The following MYO16 variants were observed in gnomAD, a reference collection of about 807,000 sequenced individuals.
MYO16 encodes the protein unconventional myosin-XVI.
MYO16 carries 94 observed loss-of-function variants against 205.3 expected under a neutral mutation model. That is an observed-to-expected ratio of 0.46 (90% CI 0.39 to 0.54). The LOEUF (loss-of-function observed/expected upper bound fraction) is 0.54, where lower values mean the gene tolerates loss of function less well. Ranked by LOEUF, MYO16 falls within the 20% of genes least tolerant of loss-of-function variation. The pLI is 0.00. For synonymous variants in MYO16, 988 were observed against 954.0 expected, an observed-to-expected ratio of 1.04 and a Z score of -0.66; for missense variants, 2,315 against 2,387.5, an observed-to-expected ratio of 0.97 and a Z score of 0.63.
the MYO16 span, among the ~76,000 whole-genome samples, chr13:108,579,599 TC>T: frequency 2.6e-5 from 4 of 151,918 alleles, no homozygotes; most frequent in South Asian, 8.3e-4. Flanking sequence ...CTCCATCACA[TC>T]CGGCTAATTT....
chr13:108,651,486 G>A (rs185327100), intron 1 of MYO16, among the ~76,000 whole-genome samples: 116 of 152,326 alleles, frequency 7.6e-4, no homozygotes, highest in African/African-American at 2.7e-3. Context: ...GTGTCAGAAA[G>A]CATAGATGGA....
At chr13:108,521,519 A>C in the MYO16 span, among the ~76,000 whole-genome samples, 1 of 152,172 alleles carries the variant, frequency 6.6e-6, no homozygotes, top group East Asian at 1.9e-4. Context: ...TTGTTTTTTA[A>C]TTCTTTTGAT....
intron 4 of MYO16, among the ~76,000 whole-genome samples, chr13:108,782,714 C>T (rs1333669254): frequency 1.3e-5 from 2 of 152,088 alleles, no homozygotes; most frequent in African/African-American, 2.4e-5. Flanking sequence ...CTGTTTGCAG[C>T]CTGGGGACTT....
intron 27 of MYO16, among the ~76,000 whole-genome samples, chr13:109,085,628 G>C (rs1240116925): frequency 6.6e-6 from 1 of 152,232 alleles, no homozygotes; most frequent in Non-Finnish European, 1.5e-5. Flanking sequence ...ACATTTTTAA[G>C]TCATTCATTC....
At chr13:108,857,456 T>G (rs905918393) in intron 11 of MYO16, among the ~76,000 whole-genome samples, 1 of 152,182 alleles carries the variant, frequency 6.6e-6, no homozygotes, top group Non-Finnish European at 1.5e-5. Context: ...GAGGGACATA[T>G]GCAGAAGAGG....
chr13:109,188,792 T>C (rs1323264392), intron 34 of MYO16, among the ~76,000 whole-genome samples: 1 of 152,122 alleles, frequency 6.6e-6, no homozygotes, highest in African/African-American at 2.4e-5. Flanking sequence ...TGGAATCCAA[T>C]GTTCAAGAGA....
intron 1 of MYO16, among the ~76,000 whole-genome samples, chr13:108,644,463 A>T (rs1184967945): frequency 6.6e-6 from 1 of 152,118 alleles, no homozygotes; most frequent in Non-Finnish European, 1.5e-5. Flanking sequence ...ATAAACCTTA[A>T]TCCTCTTTAA....
chr13:109,119,777 T>A (rs1465964466), intron 28 of MYO16, among the ~76,000 whole-genome samples: 5 of 152,224 alleles, frequency 3.3e-5, no homozygotes, highest in African/African-American at 1.2e-4. Flanking sequence ...CTACTGTTTG[T>A]GCAAACATCC....
chr13:108,717,165 G>T (rs1361631322), intron 3 of MYO16, among the ~76,000 whole-genome samples: 1 of 152,048 alleles, frequency 6.6e-6, no homozygotes, highest in African/African-American at 2.4e-5. Context: ...ACCTTTATTC[G>T]ATGAGCAATT....
chr13:109,165,179 T>G, intron 33 of MYO16, 120 bp downstream of exon 33: 1 of 726,338 alleles, frequency 1.4e-6, no homozygotes, highest in Non-Finnish European at 2.2e-6. Flanking sequence ...AAATAGAATA[T>G]AAACCATGAA....
At chr13:108,672,923 A>G (rs1294193129) in intron 2 of MYO16, among the ~76,000 whole-genome samples, 1 of 151,736 alleles carries the variant, frequency 6.6e-6, no homozygotes, top group East Asian at 1.9e-4. Flanking sequence ...GTTTCCATTA[A>G]AAGTAACTGC....
At chr13:108,855,207 T>TAGATCTCG in intron 10 of MYO16, 1 of 376,916 alleles carries the variant, frequency 2.7e-6, no homozygotes, top group Non-Finnish European at 4.8e-6. Context: ...AGACAGGGTG[T>TAGATCTCG]GTGCACCTGC....
chr13:109,046,530 T>G (rs1221316193), intron 23 of MYO16, among the ~76,000 whole-genome samples: 1 of 152,206 alleles, frequency 6.6e-6, no homozygotes, highest in Non-Finnish European at 1.5e-5. Flanking sequence ...ATTAGGAGAC[T>G]ATTAAATTTC....
intron 1 of MYO16, among the ~76,000 whole-genome samples, chr13:108,622,345 A>G (rs1176269143): frequency 6.6e-6 from 1 of 152,156 alleles, no homozygotes; most frequent in African/African-American, 2.4e-5. Context: ...TACAGCTGCC[A>G]TTTCTTATCA....
intron 27 of MYO16, among the ~76,000 whole-genome samples, chr13:109,085,541 G>A (rs544630914): frequency 3.3e-4 from 51 of 152,274 alleles, no homozygotes; most frequent in African/African-American, 1.1e-3. Flanking sequence ...TTGGGAGATC[G>A]AAGCTGTGCT....
intron 32 of MYO16, among the ~76,000 whole-genome samples, chr13:109,152,430 A>T (rs1877726393): frequency 6.6e-6 from 1 of 152,192 alleles, no homozygotes; most frequent in Non-Finnish European, 1.5e-5. Context: ...CGTGAACATT[A>T]ATTTCACTGA....
chr13:109,086,271 G>A (rs1179557898), intron 27 of MYO16, among the ~76,000 whole-genome samples: 2 of 152,166 alleles, frequency 1.3e-5, no homozygotes, highest in African/African-American at 2.4e-5. Flanking sequence ...TCTGTTCAAA[G>A]CATACTCCCA....
intron 27 of MYO16, among the ~76,000 whole-genome samples, chr13:109,061,578 C>T (rs1887593904): frequency 6.6e-6 from 1 of 152,232 alleles, no homozygotes; most frequent in Non-Finnish European, 1.5e-5. Context: ...ACAGTGAGAA[C>T]ACACATGACA....
At chr13:108,810,711 G>A (rs1887264491) in intron 7 of MYO16, among the ~76,000 whole-genome samples, 1 of 152,014 alleles carries the variant, frequency 6.6e-6, no homozygotes, top group Non-Finnish European at 1.5e-5. Context: ...CTGTGTTTAG[G>A]GGAAAAAGCG....
Sources: allele counts gnomAD v4.1 joint callset (sites outside exome capture counted in the v4.1 genomes callset), GRCh38; gene constraint gnomAD v4.1.1; transcripts MANE v1.5; gene names NCBI Gene and HGNC (gene_info 2026-07-23, HGNC 2026-07-21).